Variants in FGD3 observed in about 807,000 individuals in gnomAD.
The protein encoded by FGD3 is FYVE, RhoGEF and PH domain-containing protein 3.
FGD3 carries 45 observed loss-of-function variants against 71.8 expected under a neutral mutation model. The ratio of observed to expected loss-of-function variants is 0.63; its 90% CI spans 0.49 to 0.80. FGD3 has a LOEUF of 0.80. Among genes scored for constraint, FGD3 ranks in the 30% least tolerant of loss-of-function variants. The pLI, the probability that FGD3 is intolerant of heterozygous loss-of-function variation, is 0.00. For missense variants in FGD3, 844 were observed against 951.5 expected (o/e 0.89, Z 1.49); for synonymous variants, 378 against 392.8 (o/e 0.96, Z 0.44).
At chr9:92,960,064 A>T (rs1859141439) in intron 1 of FGD3, among the ~76,000 whole-genome samples, 2 of 150,650 alleles carry the variant, frequency 1.3e-5, no homozygotes, top group African/African-American at 4.9e-5. Context: ...CCATGTCCTC[A>T]TGCCCCATAT....
chr9:93,016,055 G>A (rs1861671626), intron 10 of FGD3, among the ~76,000 whole-genome samples: 3 of 152,156 alleles, frequency 2.0e-5, no homozygotes, highest in African/African-American at 7.2e-5. Flanking sequence ...CACCTGCCAC[G>A]TTGCTGCCAA....
At chr9:92,963,107 AC>A (rs2118523190) in intron 1 of FGD3, among the ~76,000 whole-genome samples, 1 of 151,930 alleles carries the variant, frequency 6.6e-6, no homozygotes, top group South Asian at 2.1e-4. Context: ...ACTCCACATC[AC>A]CTCAGCCTTT....
chr9:92,968,823 A>T (rs144243466), intron 1 of FGD3, among the ~76,000 whole-genome samples: 5 of 152,216 alleles, frequency 3.3e-5, no homozygotes, highest in Middle Eastern at 3.4e-3. Flanking sequence ...GCTGGTCTCG[A>T]ACTCCTGACC....
chr9:93,031,513 G>A (rs1156311240), intron 15 of FGD3, among the ~76,000 whole-genome samples: 2 of 152,104 alleles, frequency 1.3e-5, no homozygotes, highest in Non-Finnish European at 2.9e-5. Context: ...TGGTTTGCCC[G>A]GTATTCCTGC....
intron 3 of FGD3, among the ~76,000 whole-genome samples, chr9:92,998,190 ACTTCT>A (rs1408823254): frequency 3.3e-5 from 5 of 151,798 alleles, no homozygotes; most frequent in Non-Finnish European, 5.9e-5. Context: ...TTTTCTCTAA[ACTTCT>A]CTTCTCACTT....
chr9:92,972,218 G>A (rs1419417696), intron 1 of FGD3, among the ~76,000 whole-genome samples: 1 of 151,978 alleles, frequency 6.6e-6, no homozygotes, highest in African/African-American at 2.4e-5. Flanking sequence ...GGAGGCTGAG[G>A]TGGGAGGATC....
chr9:92,983,516 C>G (rs1025450608), intron 3 of FGD3, among the ~76,000 whole-genome samples: 11 of 152,122 alleles, frequency 7.2e-5, no homozygotes, highest in African/African-American at 2.7e-4. Context: ...CAGAGCGAGA[C>G]TCCATCTCAA....
rs774743745 is a variant in FGD3, at chr9:93,003,965, G to A, written c.544-36G>A. The A allele has an allele frequency of 1.1e-5, 17 of 1,612,294 alleles. No individual in the cohort carries two copies. The highest frequency in any genetic ancestry group is 1.4e-5 in the Non-Finnish European group (16 of 1,179,156). The stretch of plus-strand genomic sequence containing the variant: ...GGCGGCAACTGTGCTCAGTGGAAGA[G>A]GCTCACTGGCCACACGTGGGCTTCT... On this transcript the variant is annotated intron_variant, in intron 4 of 17. Transcript: ENST00000375482. The surrounding 1 kb of genome is among the most constrained non-coding windows in gnomAD (Gnocchi z 4.1).
At chr9:93,021,857 G>A (rs929496851) in intron 13 of FGD3, among the ~76,000 whole-genome samples, 11 of 152,218 alleles carry the variant, frequency 7.2e-5, no homozygotes, top group African/African-American at 2.7e-4. Context: ...TTGAGTGGAG[G>A]TGACCTGGGA....
At chr9:92,950,419 A>C (rs1858933616) in intron 1 of FGD3, among the ~76,000 whole-genome samples, 1 of 127,618 alleles carries the variant, frequency 7.8e-6, no homozygotes. Context: ...ATTCCATCTC[A>C]AAAAAAAAAA....
intron 8 of FGD3, 142 bp downstream of exon 8, chr9:93,011,414 C>G: frequency 1.0e-6 from 1 of 972,396 alleles, no homozygotes; most frequent in Non-Finnish European, 1.6e-6. Context: ...ACCCCCATCC[C>G]CAGGGGGGTC....
intron 17 of FGD3, 134 bp from the exon 18 acceptor site, chr9:93,035,204 A>G (rs1445423513): frequency 1.5e-6 from 2 of 1,304,874 alleles, no homozygotes; most frequent in Non-Finnish European, 2.0e-6. Context: ...CACAGCCACC[A>G]GACCCCTCGG....
chr9:93,033,804 G>T (rs1209162185), intron 16 of FGD3: 1 of 152,328 alleles, frequency 6.6e-6, no homozygotes, highest in Non-Finnish European at 1.5e-5. Context: ...AGTCCCAGCT[G>T]CTCTGACTTA....
chr9:92,972,095 C>T (rs1223265934), intron 1 of FGD3, among the ~76,000 whole-genome samples: 3 of 151,526 alleles, frequency 2.0e-5, no homozygotes, highest in African/African-American at 7.3e-5. Flanking sequence ...TCTGTGGCTC[C>T]TTTTGTTCAG....
At chr9:92,949,830 C>A (rs1318083987) in intron 1 of FGD3, among the ~76,000 whole-genome samples, 1 of 152,190 alleles carries the variant, frequency 6.6e-6, no homozygotes, top group African/African-American at 2.4e-5. Context: ...TCTCCCACCA[C>A]AACCCTCTGA....
intron 1 of FGD3, among the ~76,000 whole-genome samples, chr9:92,954,908 G>C (rs1859021544): frequency 6.6e-6 from 1 of 152,182 alleles, no homozygotes; most frequent in African/African-American, 2.4e-5. Flanking sequence ...TGGAAAAGGA[G>C]AAATTAGAGG....
intron 7 of FGD3, among the ~76,000 whole-genome samples, 167 bp from the exon 8 acceptor site, chr9:93,011,047 G>A (rs903096259): frequency 2.6e-5 from 4 of 152,082 alleles, no homozygotes; most frequent in Non-Finnish European, 5.9e-5. Flanking sequence ...TCAGAGGCAG[G>A]GTCACCCCCT....
At chr9:92,997,360 T>C (rs1860687670) in intron 3 of FGD3, among the ~76,000 whole-genome samples, 1 of 152,240 alleles carries the variant, frequency 6.6e-6, no homozygotes, top group Admixed American at 6.5e-5. Flanking sequence ...TTTGAGCCTA[T>C]GTGTGTCTCT....
At chr9:92,988,959 C>T (rs1370084807) in intron 3 of FGD3, among the ~76,000 whole-genome samples, 1 of 152,214 alleles carries the variant, frequency 6.6e-6, no homozygotes, top group Non-Finnish European at 1.5e-5. Context: ...TCTTTGGTTC[C>T]TCAACTCCTT....
Sources: gnomAD v4.1 joint callset for allele counts (sites outside exome capture counted in the v4.1 genomes callset) on GRCh38, gnomAD v4.1.1 for gene constraint, Gnocchi (gnomAD v3.1) non-coding constraint, MANE v1.5 for transcripts, NCBI Gene and HGNC (gene_info 2026-07-23, HGNC 2026-07-21) for gene names.